PAGE2B: variants seen among roughly 807,000 people sequenced by gnomAD.
PAGE2B encodes PAGE family member 2B, also known as putative G antigen family E member 3.
PAGE2B carries 5 observed loss-of-function variants against 7.6 expected under a neutral mutation model. That is an observed-to-expected ratio of 0.66 (90% confidence interval 0.34 to 1.38). The LOEUF (loss-of-function observed/expected upper bound fraction) is 1.38, where lower values mean the gene tolerates loss of function less well. Among genes scored for constraint, PAGE2B ranks in the 40% most tolerant of loss-of-function variants. PAGE2B has a pLI of 0.04. For synonymous variants in PAGE2B, 29 were observed against 26.7 expected, an observed-to-expected ratio of 1.09 and a Z score of -0.27; for missense variants, 70 against 78.4, an observed-to-expected ratio of 0.89 and a Z score of 0.41.
chrX:55,075,467 G>T (rs1936498925), intron 1 of PAGE2B, among the ~76,000 whole-genome samples: 1 of 111,195 alleles, frequency 9.0e-6, no homozygotes, highest in Non-Finnish European at 1.9e-5. Flanking sequence ...AGACCATGTG[G>T]TCAGTAAGGA....
chrX:55,047,786 G>T, the PAGE2B span, among the ~76,000 whole-genome samples: 1 of 112,024 alleles, frequency 8.9e-6, no homozygotes, highest in Non-Finnish European at 1.9e-5. Flanking sequence ...TCTGATGGTA[G>T]TTTCTTTTGC....
the PAGE2B span, chrX:55,031,086 C>T: frequency 1.0e-5 from 3 of 292,722 alleles, no homozygotes; most frequent in African/African-American, 8.2e-5. Flanking sequence ...TATCTCAGTC[C>T]CTTCCTTGCT....
At chrX:55,044,421 A>T in the PAGE2B span, among the ~76,000 whole-genome samples, 2 of 111,630 alleles carry the variant, frequency 1.8e-5, no homozygotes, top group Admixed American at 9.5e-5. Context: ...ATGCAAAGGC[A>T]TAAGAATGAT....
At chrX:55,031,122 C>T in the PAGE2B span, 2 of 270,609 alleles carry the variant, frequency 7.4e-6, no homozygotes, top group Non-Finnish European at 1.4e-5. Context: ...AGTAGCCCCT[C>T]CCTCTAGTGT....
At chrX:55,073,122 CAT>C (rs778945553), upstream of PAGE2B, among the ~76,000 whole-genome samples, 6 of 111,526 alleles carry the variant, frequency 5.4e-5, no homozygotes, top group South Asian at 7.6e-4. Flanking sequence ...ACCAAAAAAA[CAT>C]AAAACTCCTG....
At chrX:55,049,935 G>A in the PAGE2B span, among the ~76,000 whole-genome samples, 10 of 111,941 alleles carry the variant, frequency 8.9e-5, no homozygotes, top group Non-Finnish European at 1.7e-4. Flanking sequence ...GCTTTCTGTT[G>A]TGGGCATTTA....
At chrX:55,028,554 C>A in the PAGE2B span, among the ~76,000 whole-genome samples, 858 of 111,709 alleles carry the variant, frequency 7.7e-3, 9 homozygotes, top group African/African-American at 0.026. Flanking sequence ...AATTAACACA[C>A]ATCATTACTA....
the PAGE2B span, among the ~76,000 whole-genome samples, chrX:55,034,073 A>T: frequency 2.7e-5 from 3 of 111,809 alleles, no homozygotes; most frequent in African/African-American, 9.8e-5. Flanking sequence ...ACCACTTGTG[A>T]TGAGTGGGGA....
chrX:55,067,878 C>T, the PAGE2B span, among the ~76,000 whole-genome samples: 189 of 112,197 alleles, frequency 1.7e-3, no homozygotes, highest in African/African-American at 5.5e-3. Flanking sequence ...TCATATCCTT[C>T]GCTCACTTTT....
chrX:55,036,361 G>A, the PAGE2B span, among the ~76,000 whole-genome samples: 2 of 110,997 alleles, frequency 1.8e-5, no homozygotes, highest in Admixed American at 9.7e-5. Flanking sequence ...GTGAGAGAGG[G>A]CATCCCTGTC....
At chrX:55,028,223 G>A in the PAGE2B span, among the ~76,000 whole-genome samples, 20 of 110,748 alleles carry the variant, frequency 1.8e-4, no homozygotes, top group African/African-American at 4.9e-4. Flanking sequence ...AGAGTTTATC[G>A]CCATTGGGGT....
the PAGE2B span, among the ~76,000 whole-genome samples, chrX:55,042,184 A>G: frequency 2.7e-5 from 3 of 111,406 alleles, no homozygotes; most frequent in East Asian, 8.5e-4. Flanking sequence ...ATCTCCTAGG[A>G]TTGATAAATG....
the PAGE2B span, among the ~76,000 whole-genome samples, chrX:55,037,120 C>A: frequency 9.0e-6 from 1 of 111,581 alleles, no homozygotes; most frequent in Admixed American, 9.5e-5. Context: ...AGGCAACCTA[C>A]AGAATGGGAG....
upstream of PAGE2B, among the ~76,000 whole-genome samples, chrX:55,072,181 G>A (rs1440814940): frequency 8.9e-6 from 1 of 112,172 alleles, no homozygotes; most frequent in African/African-American, 3.2e-5. Flanking sequence ...CTGGATTTTT[G>A]CACTGGTTTT....
the PAGE2B span, among the ~76,000 whole-genome samples, chrX:55,069,496 TTCTC>T: frequency 9.3e-6 from 1 of 107,509 alleles, no homozygotes; most frequent in Non-Finnish European, 1.9e-5. Flanking sequence ...TGATCTAAAA[TTCTC>T]TCTCTTTTTT....
In PAGE2B at chrX:55,076,119, T is replaced by A; in HGVS notation, c.78T>A (p.Ser26=). 8.3e-7 allele frequency: 1 copy of A among 1,203,136 alleles called. No individual in the cohort carries two copies. The highest frequency in any genetic ancestry group is 1.1e-6 in the Non-Finnish European group (1 of 889,702). ...AAGAGTCTTCCCAGCCAGTTGGATC[T>A]GTGATTGTGAGTCCTTTAACATTTG... ...NDQESSQPVG[S]VIVQEPTEEK... Residue 26 remains serine (S), a synonymous_variant, in exon 2 of 5, where the codon TCT becomes TCA. Coordinates refer to ENST00000374971, the MANE Select transcript of PAGE2B (RefSeq NM_001015038.3).
upstream of PAGE2B, among the ~76,000 whole-genome samples, chrX:55,071,146 A>G (rs747331052): frequency 9.1e-6 from 1 of 109,622 alleles, no homozygotes; most frequent in East Asian, 2.9e-4. Flanking sequence ...CTTTACGATT[A>G]GTTTTTTTTG....
intron 1 of PAGE2B, among the ~76,000 whole-genome samples, chrX:55,075,453 G>A (rs1181878393): frequency 9.0e-6 from 1 of 111,068 alleles, no homozygotes; most frequent in Non-Finnish European, 1.9e-5. Context: ...AGGGACGCGG[G>A]AAGAGACCAT....
chrX:55,050,970 T>C, the PAGE2B span, among the ~76,000 whole-genome samples: 1 of 111,842 alleles, frequency 8.9e-6, no homozygotes, highest in East Asian at 2.8e-4. Flanking sequence ...CCATTTTTAG[T>C]GCTTCCTTCA....
Sources: allele counts gnomAD v4.1 joint callset (sites outside exome capture counted in the v4.1 genomes callset), GRCh38; gene constraint gnomAD v4.1.1; transcripts MANE v1.5; gene names NCBI Gene and HGNC (gene_info 2026-07-23, HGNC 2026-07-21).